Variants in P3H4 observed in about 807,000 individuals in gnomAD.
P3H4 encodes prolyl 3-hydroxylase family member 4 (inactive).
A neutral mutation model predicts 52.9 loss-of-function variants in P3H4; 47 were observed. The observed-to-expected ratio is 0.89, with a 90% CI of 0.70 to 1.13. The LOEUF is 1.13. Ranked by LOEUF, P3H4 falls within the 50% of genes most tolerant of loss-of-function variation. The probability of loss-of-function intolerance (pLI) is 0.00; values close to 1 mark genes in which losing one functional copy is unlikely to be tolerated. For missense variants in P3H4, 585 were observed against 611.0 expected (o/e 0.96, Z 0.45); for synonymous variants, 256 against 267.9 (o/e 0.96, Z 0.44).
intron 5 of P3H4, 73 bp downstream of exon 5, chr17:41,807,786 C>G: frequency 6.5e-7 from 1 of 1,541,550 alleles, no homozygotes; most frequent in Non-Finnish European, 8.8e-7. Context: ...GCATGAGCCA[C>G]CGCGCCCGGC....
intron 3 of P3H4, among the ~76,000 whole-genome samples, chr17:41,810,394 G>A (rs2047716885): frequency 6.6e-6 from 1 of 151,882 alleles, no homozygotes; most frequent in Admixed American, 6.6e-5. Flanking sequence ...GGCTGGTCTT[G>A]AACTCCTGAC....
chr17:41,806,889 G>T lies in P3H4; in HGVS notation c.1063-10C>A. The T allele has an allele frequency of 6.2e-7, 1 of 1,610,424 alleles. No individual in the cohort carries two copies. The highest frequency in any genetic ancestry group is 8.5e-7 in the Non-Finnish European group (1 of 1,177,782). On this transcript the variant is annotated splice_polypyrimidine_tract_variant and intron_variant, in intron 5 of 7. Transcript: ENST00000393928. The stretch of plus-strand genomic sequence containing the variant: ...GGTAGAGCATGGCCTCCTGGAAGGA[G>T]GGAAGGACGGGGTGGGGGGTGAGCC...
chr17:41,803,004 G>T (rs1555613711), intron 7 of P3H4, 25 bp from the exon 8 acceptor site: 1 of 1,607,628 alleles, frequency 6.2e-7, no homozygotes, highest in East Asian at 2.2e-5. Context: ...AGAAAGCACT[G>T]GGGTTGCTCC....
Position 41,809,648 on chromosome 17 carries a change from C to G in P3H4, c.916+58G>C. On this transcript the variant is annotated intron_variant, in intron 4 of 7. Transcript: ENST00000393928. ...CCCACAACTCTGGGAGGCTCCCATA[C>G]AGTCCTCTCCCTTATCACCTCGTCC... is the stretch of plus-strand genomic sequence containing the variant. 10 of 1,575,320 alleles carry G rather than the reference C, an allele frequency of 6.3e-6. No individual in the cohort carries two copies. The South Asian group carries it at 1.1e-4, about 17-fold the overall frequency.
chr17:41,805,395 C>A (rs1290608864), intron 6 of P3H4, among the ~76,000 whole-genome samples: 2 of 151,882 alleles, frequency 1.3e-5, no homozygotes, highest in South Asian at 4.2e-4. Flanking sequence ...GGCGCGATCT[C>A]GGCTCACTGC....
intron 6 of P3H4, among the ~76,000 whole-genome samples, chr17:41,804,944 G>A (rs1028357199): frequency 4.0e-5 from 6 of 151,892 alleles, no homozygotes; most frequent in Non-Finnish European, 8.8e-5. Context: ...CTGCACTCCA[G>A]CCTGGGTGAC....
At chr17:41,807,803 G>T in intron 5 of P3H4, 56 bp downstream of exon 5, 1 of 1,572,458 alleles carries the variant, frequency 6.4e-7, no homozygotes, top group Non-Finnish European at 8.6e-7. Context: ...CGGCCGCCAG[G>T]AGTTCATTTT....
chr17:41,811,195 G>A lies in P3H4; in HGVS notation c.552C>T (p.Tyr184=). The A allele has an allele frequency of 1.2e-6, 2 of 1,614,202 alleles. No homozygotes were observed. The highest frequency in any genetic ancestry group is 8.5e-7 in the Non-Finnish European group (1 of 1,180,042). Residue 184 remains tyrosine (Y), a synonymous_variant, in exon 2 of 8, where the codon TAC becomes TAT. Coordinates refer to ENST00000393928, the MANE Select transcript of P3H4 (RefSeq NM_006455.3). This position sits in a 1 kb window ranked among gnomAD's most constrained non-coding sequence, Gnocchi z 4.8. The part of the protein sequence containing the change: ...KHELTAKYLN[Y]YQGMLDVADE... ...CGGCGACGTCCAGCATCCCCTGATAGTAGTTGAGATACTTGGCGGTCAGCT... is the reference window on the plus strand; with the variant it reads ...CGGCGACGTCCAGCATCCCCTGATAATAGTTGAGATACTTGGCGGTCAGCT...
At chr17:41,809,886 TC>T in intron 3 of P3H4, 52 bp from the exon 4 acceptor site, 3 of 1,583,328 alleles carry the variant, frequency 1.9e-6, no homozygotes, top group East Asian at 2.3e-5. Flanking sequence ...AACATCTCCG[TC>T]CCCCCAGTGG....
Position 41,811,443 on chromosome 17 carries a change from CG to C in P3H4, c.462+10del, listed in dbSNP as rs2047736006. ...CCCGAGACAGGTCCCCGGGTGGGGGCGGGCTCCCACCTTGAACAGCGCGTAG... is the reference window on the plus strand; with the variant it reads ...CCCGAGACAGGTCCCCGGGTGGGGGCGGCTCCCACCTTGAACAGCGCGTAG... On this transcript the variant is annotated intron_variant, in intron 1 of 7. Transcript: ENST00000393928. The surrounding 1 kb of genome is among the most constrained non-coding windows in gnomAD (Gnocchi z 4.8). 1 of 1,611,504 alleles carries C rather than the reference CG, an allele frequency of 6.2e-7. No homozygotes were observed. The highest frequency in any genetic ancestry group is 1.1e-5 in the South Asian group (1 of 91,012).
chr17:41,811,686 TG>T lies in P3H4; in HGVS notation c.229del (p.His77ThrfsTer101). On this transcript the variant is annotated frameshift_variant, in exon 1 of 8. Transcript: ENST00000393928. LOFTEE classifies it high-confidence loss of function. The surrounding 1 kb of genome is among the most constrained non-coding windows in gnomAD (Gnocchi z 4.8). ...RLLRDSEAFC[H>X]ANCSGPAPAA... ...GGGCGCGGGGCCGCTGCAGTTGGCGTGGCAGAAGGCCTCGCTGTCGCGCAGG... is the reference window on the plus strand; with the variant it reads ...GGGCGCGGGGCCGCTGCAGTTGGCGTGCAGAAGGCCTCGCTGTCGCGCAGG... The T allele has an allele frequency of 6.9e-7, 1 of 1,449,138 alleles. No individual in the cohort carries two copies. The highest frequency in any genetic ancestry group is 9.0e-7 in the Non-Finnish European group (1 of 1,112,578). 89.8% of individuals were successfully genotyped at this position (1,449,138 alleles called of 1,614,324 possible).
rs782389670 is a variant in P3H4 at position 41,809,695 on chromosome 17, AG to A, written c.916+10del. The A allele has an allele frequency of 2.2e-4, 353 of 1,611,288 alleles. No homozygotes were observed. In the African/African-American group the frequency reaches 4.2e-3, roughly 19 times the overall value. On this transcript the variant is annotated intron_variant, in intron 4 of 7. Coordinates refer to ENST00000393928, the MANE Select transcript of P3H4 (RefSeq NM_006455.3). ...GTCCCCTGCCCAAGCCAGCCCACCC[AG>A]GGGGCTCACACTTATAGTAGGCAAA...
At position 41,811,362 on chromosome 17, in the gene P3H4, G is replaced by A; in HGVS notation, c.463-78C>T. On this transcript the variant is annotated intron_variant, in intron 1 of 7. Transcript: ENST00000393928. The surrounding 1 kb of genome is among the most constrained non-coding windows in gnomAD (Gnocchi z 4.8). Reference sequence around the variant, plus strand: ...GCCCCGAGCGCACGGCGGGCTTCGTGCCTTGGGTGAAGATAACGCTCCTTC... The same window carrying A: ...GCCCCGAGCGCACGGCGGGCTTCGTACCTTGGGTGAAGATAACGCTCCTTC... The A allele has an allele frequency of 6.2e-7, 1 of 1,606,236 alleles. No individual in the cohort carries two copies. The highest frequency in any genetic ancestry group is 8.5e-7 in the Non-Finnish European group (1 of 1,175,150).
At position 41,811,045 on chromosome 17, in the gene P3H4, C is replaced by T. The variant is rs375081983; in HGVS notation, c.616-11G>A. On this transcript the variant is annotated splice_polypyrimidine_tract_variant and intron_variant, in intron 2 of 7. Transcript: ENST00000393928. This position sits in a 1 kb window ranked among gnomAD's most constrained non-coding sequence, Gnocchi z 4.8. ...CCGGAGGAACACGGCCTGGAAGGGG[C>T]GTGGCAGGGGGAGTCAGGGCGCCCC... The T allele has an allele frequency of 7.5e-6, 12 of 1,609,330 alleles. No individual in the cohort carries two copies. The African/African-American group carries it at 1.5e-4, about 20-fold the overall frequency.
Position 41,810,984 on chromosome 17 carries a change from G to A in P3H4, c.666C>T (p.Ser222=), listed in dbSNP as rs782682473. Residue 222 remains serine, a synonymous_variant, in exon 3 of 8, where the codon AGC becomes AGT. Transcript: ENST00000393928. Reference sequence around the variant, plus strand: ...AGGCCCGCTCCATGTCCTCCGTGCTGCTGCGGAAATCCCCGCTGTTGTAGA... The same window carrying A: ...AGGCCCGCTCCATGTCCTCCGTGCTACTGCGGAAATCCCCGCTGTTGTAGA... ...VKLYNSGDFR[S]STEDMERALS... 10 of 1,614,164 alleles carry A rather than the reference G, an allele frequency of 6.2e-6. No homozygotes were observed. The highest frequency in any genetic ancestry group is 8.5e-6 in the Non-Finnish European group (10 of 1,180,028).
Position 41,803,475 on chromosome 17 carries a change from G to A in P3H4, c.1147-44C>T, listed in dbSNP as rs373185443. 4.9e-5 allele frequency: 78 copies of A among 1,593,078 alleles called. No homozygotes were observed. In the East Asian group the frequency reaches 5.2e-4, roughly 11 times the overall value. ...TGTGGGAGAAACCGGGTCACAGTAC[G>A]CCCAAACCCATATGGGCTCCCTTCC... On this transcript the variant is annotated intron_variant, in intron 6 of 7. Transcript: ENST00000393928.
Position 41,809,688 on chromosome 17 carries a change from C to G in P3H4, c.916+18G>C. 6.2e-7 allele frequency: 1 copy of G among 1,610,076 alleles called. No individual in the cohort carries two copies. Among genetic ancestry groups the G allele is most frequent in the Admixed American group, 1.7e-5 (1 of 59,878 alleles). ...TCACCTCGTCCCCTGCCCAAGCCAG[C>G]CCACCCAGGGGGCTCACACTTATAG... On this transcript the variant is annotated intron_variant, in intron 4 of 7. Transcript: ENST00000393928.
chr17:41,811,793 C>G lies in P3H4; in HGVS notation c.123G>C (p.Gly41=). 6.5e-7 allele frequency: 1 copy of G among 1,535,860 alleles called. No individual in the cohort carries two copies. Among genetic ancestry groups the G allele is most frequent in the Non-Finnish European group, 8.7e-7 (1 of 1,152,832 alleles). The change falls in exon 1 of 8, where the codon GGG becomes GGC. Residue 41 remains glycine, a synonymous_variant. Transcript: ENST00000393928. The surrounding 1 kb of genome is among the most constrained non-coding windows in gnomAD (Gnocchi z 4.8). ...EDLMPLAAAY[G]HALEQYEGES... is the part of the protein sequence containing the mutation. The stretch of plus-strand genomic sequence containing the variant: ...CTCCCTCGTACTGCTCCAGAGCGTG[C>G]CCGTACGCCGCGGCCAGCGGCATCA...
chr17:41,809,594 C>T, intron 4 of P3H4, 112 bp downstream of exon 4: 2 of 1,302,934 alleles, frequency 1.5e-6, no homozygotes, highest in Admixed American at 2.1e-5. Context: ...CTCCTATCAC[C>T]CAGGGTCCTC....
Sources: allele counts gnomAD v4.1 joint callset (sites outside exome capture counted in the v4.1 genomes callset), GRCh38; gene constraint gnomAD v4.1.1; non-coding constraint Gnocchi (gnomAD v3.1); transcripts MANE v1.5; gene names NCBI Gene and HGNC (gene_info 2026-07-23, HGNC 2026-07-21).